The following CERS6 variants were observed in gnomAD, a reference collection of about 807,000 sequenced individuals.
CERS6 encodes LAG1 homolog, ceramide synthase 6.
Under a neutral mutation model 56.8 loss-of-function variants are expected in CERS6, and 26 were observed. The ratio of observed to expected loss-of-function variants is 0.46; its 90% CI spans 0.34 to 0.63. CERS6 has a LOEUF of 0.63. CERS6 is among the 30% of genes least tolerant of loss of function. The pLI is 0.01. For missense variants in CERS6, 415 were observed against 467.5 expected, an observed-to-expected ratio of 0.89 and a Z score of 1.04; for synonymous variants, 164 against 173.3, an observed-to-expected ratio of 0.95 and a Z score of 0.42.
At chr2:168,715,322 CA>C (rs549747490) in intron 7 of CERS6, among the ~76,000 whole-genome samples, 193 bp downstream of exon 7, 2,982 of 150,242 alleles carry the variant, frequency 0.02, 45 homozygotes, top group South Asian at 0.05. Flanking sequence ...AACTTTTATA[CA>C]AAAAAAAAGT....
At chr2:168,506,731 T>C (rs537790925) in intron 1 of CERS6, among the ~76,000 whole-genome samples, 14 of 152,300 alleles carry the variant, frequency 9.2e-5, no homozygotes, top group Admixed American at 2.0e-4. Flanking sequence ...AGAGATGTAG[T>C]AACTTTCACA....
intron 6 of CERS6, among the ~76,000 whole-genome samples, chr2:168,707,302 GA>G (rs991931263): frequency 4.6e-5 from 7 of 152,002 alleles, no homozygotes; most frequent in African/African-American, 1.7e-4. Flanking sequence ...AATCTATTGG[GA>G]AAAAAGTGTT....
intron 8 of CERS6, among the ~76,000 whole-genome samples, chr2:168,764,058 A>G (rs1684658168): frequency 6.6e-6 from 1 of 152,140 alleles, no homozygotes; most frequent in Non-Finnish European, 1.5e-5. Context: ...TACAGAGAGA[A>G]CCAGTTACCT....
intron 4 of CERS6, among the ~76,000 whole-genome samples, chr2:168,631,464 TATA>T (rs1386418873): frequency 8.3e-6 from 1 of 120,858 alleles, no homozygotes; most frequent in East Asian, 2.2e-4. Flanking sequence ...TATATAAAAA[TATA>T]ATATATAATA....
intron 5 of CERS6, among the ~76,000 whole-genome samples, chr2:168,692,677 C>T (rs991717319): frequency 2.0e-5 from 3 of 152,038 alleles, no homozygotes; most frequent in Admixed American, 2.0e-4. Flanking sequence ...AAATGTAGGA[C>T]AAATTGATGG....
intron 3 of CERS6, among the ~76,000 whole-genome samples, chr2:168,603,259 T>A (rs757210125): frequency 1.3e-5 from 2 of 152,230 alleles, no homozygotes; most frequent in Non-Finnish European, 2.9e-5. Context: ...CCTTTCATAT[T>A]TGAACATTTC....
intron 1 of CERS6, among the ~76,000 whole-genome samples, chr2:168,527,905 G>A (rs1324891143): frequency 5.9e-5 from 9 of 152,008 alleles, no homozygotes; most frequent in African/African-American, 2.2e-4. Context: ...ATTTTTTGTA[G>A]AGATGGGATT....
At chr2:168,729,876 C>A (rs1683469976) in intron 8 of CERS6, among the ~76,000 whole-genome samples, 1 of 152,212 alleles carries the variant, frequency 6.6e-6, no homozygotes, top group African/African-American at 2.4e-5. Flanking sequence ...TATCGATCTG[C>A]TTATCACACG....
At chr2:168,467,664 C>A (rs186223548) in intron 1 of CERS6, among the ~76,000 whole-genome samples, 18 of 152,302 alleles carry the variant, frequency 1.2e-4, no homozygotes, top group African/African-American at 4.3e-4. Context: ...AATTTGGTGT[C>A]CTCTCTTGTA....
Position 168,456,803 on chromosome 2 carries a change from T to A in CERS6, c.170+185T>A, listed in dbSNP as rs1693672219. On this transcript the variant is annotated intron_variant, in intron 1 of 9. Transcript: ENST00000305747. This position sits in a 1 kb window ranked among gnomAD's most constrained non-coding sequence, Gnocchi z 4.1. ...GGCTTTCTGGGAGCCAGAAAGGGTC[T>A]GGCTTGCCACGGATTTCCTCCCGGG... Among the ~76,000 whole-genome samples the A allele has an allele frequency of 6.6e-6, 1 of 152,102 alleles. No individual in the cohort carries two copies. The highest frequency in any genetic ancestry group is 1.5e-5 in the Non-Finnish European group (1 of 67,996).
chr2:168,629,936 C>A (rs914536291), intron 3 of CERS6, among the ~76,000 whole-genome samples: 1 of 151,898 alleles, frequency 6.6e-6, no homozygotes, highest in Non-Finnish European at 1.5e-5. Context: ...CTGCCTCAAC[C>A]TCCTCAAGTA....
intron 8 of CERS6, among the ~76,000 whole-genome samples, chr2:168,740,893 G>C (rs1683878494): frequency 6.6e-6 from 1 of 152,210 alleles, no homozygotes; most frequent in South Asian, 2.1e-4. Flanking sequence ...ATTTAGAGTA[G>C]AGTGGTGGTA....
intron 8 of CERS6, among the ~76,000 whole-genome samples, chr2:168,748,258 T>C (rs953172424): frequency 3.2e-4 from 48 of 152,348 alleles, no homozygotes; most frequent in African/African-American, 1.0e-3. Context: ...GCTTGTTGAC[T>C]GTAACCATTT....
chr2:168,669,004 C>T (rs1363449481), intron 4 of CERS6, among the ~76,000 whole-genome samples: 4 of 152,108 alleles, frequency 2.6e-5, no homozygotes, highest in Admixed American at 1.3e-4. Context: ...TTGTATGTCC[C>T]TCGCTGTTCC....
chr2:168,611,838 G>T (rs901033544), intron 3 of CERS6, among the ~76,000 whole-genome samples: 10 of 152,156 alleles, frequency 6.6e-5, no homozygotes, highest in Admixed American at 4.6e-4. Context: ...TCATTTACGT[G>T]ACGTACTGCT....
intron 1 of CERS6, among the ~76,000 whole-genome samples, chr2:168,493,311 A>G (rs548512679): frequency 6.6e-6 from 1 of 152,276 alleles, no homozygotes; most frequent in Admixed American, 6.5e-5. Context: ...AAAACACCTA[A>G]CAGGCTCTTG....
chr2:168,580,010 C>CT (rs1365624985), intron 3 of CERS6, among the ~76,000 whole-genome samples: 2 of 152,206 alleles, frequency 1.3e-5, no homozygotes, highest in East Asian at 3.8e-4. Flanking sequence ...TCTATGCCAA[C>CT]TTCTGCGCTA....
intron 4 of CERS6, among the ~76,000 whole-genome samples, chr2:168,690,310 CTA>C (rs1309814948): frequency 6.6e-6 from 1 of 152,106 alleles, no homozygotes; most frequent in Non-Finnish European, 1.5e-5. Context: ...TATTTTGAAA[CTA>C]TGAGAAAGTT....
chr2:168,618,772 G>A (rs983464724), intron 3 of CERS6, among the ~76,000 whole-genome samples: 2 of 152,148 alleles, frequency 1.3e-5, no homozygotes, highest in African/African-American at 4.8e-5. Flanking sequence ...TCATGGGTGG[G>A]TAGAATAAAT....
Sources: gnomAD v4.1 joint callset for allele counts (sites outside exome capture counted in the v4.1 genomes callset) on GRCh38, gnomAD v4.1.1 for gene constraint, Gnocchi (gnomAD v3.1) non-coding constraint, MANE v1.5 for transcripts, NCBI Gene and HGNC (gene_info 2026-07-23, HGNC 2026-07-21) for gene names.